SPATA16: variants seen among roughly 807,000 people sequenced by gnomAD.
SPATA16 encodes the protein spermatogenesis associated 16.
SPATA16 carries 36 observed loss-of-function variants against 63.3 expected under a neutral mutation model. That is an observed-to-expected ratio of 0.57 (90% CI 0.44 to 0.75). The LOEUF (loss-of-function observed/expected upper bound fraction) is 0.75. Ranked by LOEUF, SPATA16 falls within the 30% of genes least tolerant of loss-of-function variation. SPATA16 has a pLI of 0.00. For missense variants in SPATA16, 646 were observed against 679.3 expected (o/e 0.95, Z 0.54); for synonymous variants, 203 against 216.7 (o/e 0.94, Z 0.56).
At chr3:172,896,282 G>A (rs573023254) in intron 10 of SPATA16, among the ~76,000 whole-genome samples, 6 of 152,254 alleles carry the variant, frequency 3.9e-5, no homozygotes, top group East Asian at 3.9e-4. Flanking sequence ...GTGCAGTGGC[G>A]TGATCTCGGC....
chr3:172,977,081 AC>A, intron 4 of SPATA16, 29 bp from the exon 5 acceptor site: 1 of 1,572,410 alleles, frequency 6.4e-7, no homozygotes, highest in Non-Finnish European at 8.7e-7. Context: ...TAAAAAAAAA[AC>A]AAAAACAAAT....
At chr3:172,903,832 G>A (rs745672679) in intron 10 of SPATA16, among the ~76,000 whole-genome samples, 5 of 152,180 alleles carry the variant, frequency 3.3e-5, no homozygotes, top group Non-Finnish European at 4.4e-5. Context: ...TGGGCAAGTC[G>A]CCAGATGGGC....
At chr3:172,917,486 C>G (rs1048107699) in intron 8 of SPATA16, among the ~76,000 whole-genome samples, 5 of 152,104 alleles carry the variant, frequency 3.3e-5, no homozygotes, top group African/African-American at 1.2e-4. Context: ...AGCAGGGGCC[C>G]CCTGGACTGC....
intron 9 of SPATA16, among the ~76,000 whole-genome samples, chr3:172,915,139 C>T (rs1328955868): frequency 6.6e-6 from 1 of 152,058 alleles, no homozygotes; most frequent in African/African-American, 2.4e-5. Flanking sequence ...AACATTTAAC[C>T]TTTTAGAAGG....
Position 172,889,684 on chromosome 3 carries a change from T to C in SPATA16, c.1596A>G (p.Gln532=), listed in dbSNP as rs200525397. Residue 532 remains glutamine (Q), a synonymous_variant, in exon 11 of 11, where the codon CAA becomes CAG. Coordinates refer to ENST00000351008, the MANE Select transcript of SPATA16 (RefSeq NM_031955.6). ...RVWNMIQKVG[Q]IEDFLYQLED... ...CTAATTGGTATAGAAAATCTTCAAT[T>C]TGTCCAACCTAGAAGAAATAAACAG... The C allele has an allele frequency of 1.6e-5, 26 of 1,613,110 alleles. No individual in the cohort carries two copies. Among genetic ancestry groups the C allele is most frequent in the Non-Finnish European group, 2.1e-5 (25 of 1,179,786 alleles).
At chr3:173,028,087 C>G (rs962350641) in intron 3 of SPATA16, among the ~76,000 whole-genome samples, 13 of 140,598 alleles carry the variant, frequency 9.2e-5, no homozygotes, top group Non-Finnish European at 1.5e-5. Context: ...TTCTCTCTCT[C>G]TCTTTCTTTC....
intron 4 of SPATA16, among the ~76,000 whole-genome samples, chr3:172,986,473 G>A (rs1314298877): frequency 6.6e-6 from 1 of 152,122 alleles, no homozygotes; most frequent in African/African-American, 2.4e-5. Context: ...ATGTACTAAT[G>A]CAGCTGAGAG....
At chr3:173,124,966 C>G (rs1397056864) in intron 1 of SPATA16, among the ~76,000 whole-genome samples, 1 of 152,126 alleles carries the variant, frequency 6.6e-6, no homozygotes, top group East Asian at 1.9e-4. Flanking sequence ...GTCCTTATAT[C>G]CTCCTAAAAC....
chr3:172,947,745 A>G (rs1733326755), intron 6 of SPATA16, among the ~76,000 whole-genome samples: 1 of 152,088 alleles, frequency 6.6e-6, no homozygotes, highest in Admixed American at 6.5e-5. Context: ...ACATGGACAC[A>G]GGGAGGGGAA....
intron 4 of SPATA16, among the ~76,000 whole-genome samples, chr3:173,005,620 A>C (rs1214482996): frequency 1.3e-5 from 2 of 152,232 alleles, no homozygotes; most frequent in Non-Finnish European, 2.9e-5. Flanking sequence ...GAGGTAATGC[A>C]AATTCATAGC....
intron 2 of SPATA16, among the ~76,000 whole-genome samples, chr3:173,057,994 A>C (rs1435147085): frequency 6.6e-6 from 1 of 152,216 alleles, no homozygotes; most frequent in East Asian, 1.9e-4. Context: ...AGGAATTTAG[A>C]TAATTCAGAA....
At chr3:173,009,008 C>T (rs1188050436) in intron 4 of SPATA16, among the ~76,000 whole-genome samples, 2 of 152,078 alleles carry the variant, frequency 1.3e-5, no homozygotes, top group African/African-American at 4.8e-5. Context: ...ATGAATTCTG[C>T]AAATTGGTCA....
intron 5 of SPATA16, among the ~76,000 whole-genome samples, chr3:172,963,383 G>T (rs1428524969): frequency 6.6e-6 from 1 of 151,844 alleles, no homozygotes; most frequent in Non-Finnish European, 1.5e-5. Context: ...CAAGGGAAAT[G>T]GACTTTTATA....
chr3:173,123,625 CAG>C (rs1002214852), intron 1 of SPATA16, among the ~76,000 whole-genome samples: 1 of 133,758 alleles, frequency 7.5e-6, no homozygotes, highest in African/African-American at 2.9e-5. Flanking sequence ...TTTTTTGAGA[CAG>C]AGTTTCCCTC....
At chr3:173,004,571 G>A (rs1285680669) in intron 4 of SPATA16, among the ~76,000 whole-genome samples, 1 of 152,058 alleles carries the variant, frequency 6.6e-6, no homozygotes, top group Non-Finnish European at 1.5e-5. Context: ...CTTGGAATAA[G>A]TTGGGGTTTA....
chr3:173,012,487 A>C (rs550569332), intron 4 of SPATA16, among the ~76,000 whole-genome samples: 4 of 152,340 alleles, frequency 2.6e-5, no homozygotes, highest in South Asian at 2.1e-4. Flanking sequence ...CTAAGCAAAA[A>C]GAACAAAGCT....
intron 2 of SPATA16, among the ~76,000 whole-genome samples, chr3:173,062,864 A>G (rs1409177359): frequency 1.3e-5 from 2 of 152,152 alleles, no homozygotes; most frequent in Non-Finnish European, 2.9e-5. Context: ...AGAGCTCACA[A>G]CTTAGCTAGA....
intron 1 of SPATA16, among the ~76,000 whole-genome samples, chr3:173,138,575 C>T (rs1738617008): frequency 6.6e-6 from 1 of 152,094 alleles, no homozygotes; most frequent in African/African-American, 2.4e-5. Flanking sequence ...AACAGCAAGA[C>T]AGAATAACTA....
chr3:173,120,623 A>G (rs748411793), intron 1 of SPATA16, among the ~76,000 whole-genome samples: 6 of 152,132 alleles, frequency 3.9e-5, no homozygotes, highest in Non-Finnish European at 7.3e-5. Flanking sequence ...TATTTATTTC[A>G]CATCTCTTTA....
Sources: gnomAD v4.1 joint callset for allele counts (sites outside exome capture counted in the v4.1 genomes callset) on GRCh38, gnomAD v4.1.1 for gene constraint, MANE v1.5 for transcripts, NCBI Gene and HGNC (gene_info 2026-07-23, HGNC 2026-07-21) for gene names.